TGFBRAP1: variants seen among roughly 807,000 people sequenced by gnomAD.
TGFBRAP1 encodes the protein transforming growth factor-beta receptor-associated protein 1.
TGFBRAP1 carries 20 observed loss-of-function variants against 83.2 expected under a neutral mutation model. The observed-to-expected ratio is 0.24, with a 90% CI of 0.17 to 0.35. The LOEUF (loss-of-function observed/expected upper bound fraction) is 0.35. Ranked by LOEUF, TGFBRAP1 falls within the 10% of genes least tolerant of loss-of-function variation. The pLI, the probability that TGFBRAP1 is intolerant of heterozygous loss-of-function variation, is 1.00. For missense variants in TGFBRAP1, 950 were observed against 1,099.4 expected (o/e 0.86, Z 1.92); for synonymous variants, 415 against 459.8 (o/e 0.90, Z 1.25).
In TGFBRAP1 at chr2:105,298,670, C is replaced by G. The variant is rs560629083; in HGVS notation, c.724G>C (p.Ala242Pro). 3.1e-6 allele frequency: 5 copies of G among 1,599,254 alleles called. No homozygotes were observed. In the African/African-American group the frequency reaches 6.7e-5, roughly 21 times the overall value. The change falls in exon 3 of 12, where the codon GCC becomes CCC. Residue 242 changes from alanine to proline, a missense_variant. Transcript: ENST00000393359. ...FATVAGISQRAPVHWSENVIG... is the reference protein window; with the variant it reads ...FATVAGISQRPPVHWSENVIG... ...ACATTCTCCGACCAGTGCACGGGGG[C>G]GCGCTGGGATATCCCTGCGACTGTG...
At chr2:105,317,041 G>A (rs1477852944) in intron 1 of TGFBRAP1, among the ~76,000 whole-genome samples, 1 of 150,700 alleles carries the variant, frequency 6.6e-6, no homozygotes, top group Admixed American at 6.6e-5. Flanking sequence ...CTGTACATGT[G>A]GGGCATATAC....
the TGFBRAP1 span, among the ~76,000 whole-genome samples, chr2:105,257,433 C>T: frequency 1.3e-5 from 2 of 152,172 alleles, no homozygotes; most frequent in African/African-American, 4.8e-5. Context: ...CCCTTCCCAG[C>T]CCCTGGCACC....
At chr2:105,286,017 G>A (rs1422729462) in intron 4 of TGFBRAP1, among the ~76,000 whole-genome samples, 2 of 152,208 alleles carry the variant, frequency 1.3e-5, no homozygotes, top group African/African-American at 2.4e-5. Context: ...ATCAGCTGCA[G>A]TAGAAGAATT....
chr2:105,306,874 CA>C (rs1319184461), intron 2 of TGFBRAP1, among the ~76,000 whole-genome samples: 1 of 151,016 alleles, frequency 6.6e-6, no homozygotes, highest in Non-Finnish European at 1.5e-5. Context: ...GGAGAAATTC[CA>C]AAGAGACATT....
chr2:105,288,982 GC>G (rs940744592), intron 4 of TGFBRAP1, among the ~76,000 whole-genome samples: 1 of 152,150 alleles, frequency 6.6e-6, no homozygotes, highest in African/African-American at 2.4e-5. Flanking sequence ...AATTAACTTA[GC>G]CTTCCAAAAT....
intron 4 of TGFBRAP1, among the ~76,000 whole-genome samples, chr2:105,295,605 G>A (rs902051904): frequency 2.6e-5 from 4 of 152,028 alleles, no homozygotes; most frequent in Non-Finnish European, 5.9e-5. Context: ...GAGGTCAAGG[G>A]ATCGAGACCA....
chr2:105,265,592 T>C lies in TGFBRAP1; in HGVS notation c.*1791A>G, dbSNP rs1256355957. The C allele has an allele frequency of 1.3e-5, 2 of 152,620 alleles. No individual in the cohort carries two copies. The highest frequency in any genetic ancestry group is 4.8e-5 in the African/African-American group (2 of 41,424). 9.5% of individuals were successfully genotyped at this position (152,620 alleles called of 1,614,324 possible). A position where few individuals can be genotyped will look rare whatever the true frequency, so the allele number is the denominator to read the frequency against. On this transcript the variant is annotated 3_prime_UTR_variant, in exon 12 of 12. Coordinates refer to ENST00000393359, the MANE Select transcript of TGFBRAP1 (RefSeq NM_004257.6). ...AACTTGTTCTTTGAGAAATATAAACTCAAACTCACAAGTTGTCATGATAAC... is the reference window on the plus strand; with the variant it reads ...AACTTGTTCTTTGAGAAATATAAACCCAAACTCACAAGTTGTCATGATAAC...
chr2:105,299,477 C>T (rs1185504377), intron 2 of TGFBRAP1, among the ~76,000 whole-genome samples: 2 of 152,052 alleles, frequency 1.3e-5, no homozygotes, highest in Non-Finnish European at 2.9e-5. Flanking sequence ...ACATGGACAC[C>T]AATAACATCG....
the TGFBRAP1 span, among the ~76,000 whole-genome samples, chr2:105,258,481 T>G: frequency 6.6e-6 from 1 of 152,034 alleles, no homozygotes; most frequent in African/African-American, 2.4e-5. Context: ...CTTTTTTTTT[T>G]TCTTAACTTG....
At chr2:105,293,552 C>T (rs1677984385) in intron 4 of TGFBRAP1, among the ~76,000 whole-genome samples, 1 of 152,200 alleles carries the variant, frequency 6.6e-6, no homozygotes, top group South Asian at 2.1e-4. Context: ...CATCCTCTCC[C>T]TTCCTGGTTT....
At chr2:105,325,504 T>C (rs775626491) in intron 1 of TGFBRAP1, among the ~76,000 whole-genome samples, 3 of 152,130 alleles carry the variant, frequency 2.0e-5, no homozygotes, top group Non-Finnish European at 2.9e-5. Flanking sequence ...GGGGAACAAG[T>C]ATGATTTCAG....
chr2:105,256,630 A>C, the TGFBRAP1 span, among the ~76,000 whole-genome samples: 1 of 152,182 alleles, frequency 6.6e-6, no homozygotes, highest in African/African-American at 2.4e-5. Flanking sequence ...CCCCGCCCAA[A>C]AGACAGGTTA....
intron 2 of TGFBRAP1, among the ~76,000 whole-genome samples, chr2:105,306,573 G>A (rs1208106869): frequency 6.6e-6 from 1 of 151,842 alleles, no homozygotes; most frequent in Non-Finnish European, 1.5e-5. Context: ...CGAGGTGGGT[G>A]GATCCCTTGA....
chr2:105,319,673 C>T (rs1171643891), intron 1 of TGFBRAP1, among the ~76,000 whole-genome samples: 1 of 106,244 alleles, frequency 9.4e-6, no homozygotes, highest in African/African-American at 3.7e-5. Context: ...GCCTGGGCAA[C>T]AAGAGCAAAA....
At chr2:105,278,543 T>G (rs1369458042) in intron 6 of TGFBRAP1, among the ~76,000 whole-genome samples, 2 of 152,160 alleles carry the variant, frequency 1.3e-5, no homozygotes, top group Non-Finnish European at 2.9e-5. Flanking sequence ...CCGCGTGACC[T>G]TGAGCAAGTA....
At chr2:105,250,091 G>C in the TGFBRAP1 span, among the ~76,000 whole-genome samples, 19 of 152,220 alleles carry the variant, frequency 1.2e-4, no homozygotes, top group Admixed American at 7.2e-4. Flanking sequence ...CTAGGAATAG[G>C]AGAGGTGCCA....
In TGFBRAP1 at chr2:105,308,202, C is replaced by A; in HGVS notation, c.100G>T (p.Gly34Cys). ...RVNIECVECC[G>C]RDLYVGTNDC... ...TTGGTGCCCACGTAGAGGTCCCTGC[C>A]GCAGCACTCCACGCACTCTATGTTG... The change falls in exon 2 of 12, where the codon GGC (glycine) becomes TGC (cysteine). Residue 34 changes from glycine (G) to cysteine (C), a missense_variant. Physicochemically the swap from Gly to Cys is radical, Grantham distance 159. Transcript: ENST00000393359. The A allele has an allele frequency of 6.2e-7, 1 of 1,614,214 alleles. No individual in the cohort carries two copies. The highest frequency in any genetic ancestry group is 8.5e-7 in the Non-Finnish European group (1 of 1,180,044).
At chr2:105,296,656 A>G in intron 3 of TGFBRAP1, 146 bp from the exon 4 acceptor site, 1 of 882,610 alleles carries the variant, frequency 1.1e-6, no homozygotes, top group Non-Finnish European at 1.6e-6. Flanking sequence ...AAAATTATAA[A>G]TTATAATGCT....
the TGFBRAP1 span, among the ~76,000 whole-genome samples, chr2:105,256,013 C>G: frequency 3.3e-5 from 5 of 152,296 alleles, no homozygotes; most frequent in African/African-American, 9.6e-5. Flanking sequence ...CTCACCATAC[C>G]TCACGTTTTC....
Sources: gnomAD v4.1 joint callset for allele counts (sites outside exome capture counted in the v4.1 genomes callset) on GRCh38, gnomAD v4.1.1 for gene constraint, MANE v1.5 for transcripts, NCBI Gene and HGNC (gene_info 2026-07-23, HGNC 2026-07-21) for gene names.